The following SVIL variants were observed in gnomAD, a reference collection of about 807,000 sequenced individuals.
The protein encoded by SVIL is supervillin.
A neutral mutation model predicts 240.4 loss-of-function variants in SVIL; 101 were observed. The ratio of observed to expected loss-of-function variants is 0.42; its 90% CI spans 0.36 to 0.50. The LOEUF (loss-of-function observed/expected upper bound fraction) is 0.50, where lower values mean the gene tolerates loss of function less well. SVIL is among the 20% of genes least tolerant of loss of function. The pLI is 0.01. For missense variants in SVIL, 2,512 were observed against 2,818.7 expected, an observed-to-expected ratio of 0.89 and a Z score of 2.46; for synonymous variants, 999 against 1,100.0, an observed-to-expected ratio of 0.91 and a Z score of 1.82.
In SVIL at chr10:29,529,837, T is replaced by C. The variant is rs1951227814; in HGVS notation, c.2114A>G (p.Glu705Gly). 6.2e-7 allele frequency: 1 copy of C among 1,609,838 alleles called. No homozygotes were observed. The highest frequency in any genetic ancestry group is 1.7e-5 in the Admixed American group (1 of 58,970). The change falls in exon 12 of 38, where the codon GAA (glutamate) becomes GGA (glycine). Residue 705 changes from glutamate (E) to glycine (G), a missense_variant. Glu to Gly is a moderately conservative substitution (Grantham distance 98). Transcript: ENST00000355867. ...AAKRLLFREM[E>G]KSFDEQNVPK... The stretch of plus-strand genomic sequence containing the variant: ...AACATTTTGTTCATCAAAAGATTTT[T>C]CCATCTCCTAAGATTAGAAGTATTG...
intron 1 of SVIL, among the ~76,000 whole-genome samples, chr10:29,725,735 C>T (rs536910794): frequency 2.3e-4 from 35 of 152,224 alleles, no homozygotes; most frequent in East Asian, 1.5e-3. Context: ...GTTTCCGCAA[C>T]GCTCAGCAGA....
intron 1 of SVIL, among the ~76,000 whole-genome samples, chr10:29,723,317 T>A (rs555316135): frequency 2.0e-5 from 3 of 152,296 alleles, no homozygotes; most frequent in South Asian, 2.1e-4. Context: ...GAGGCAGAGG[T>A]TGCAGTGAGC....
intron 3 of SVIL, among the ~76,000 whole-genome samples, chr10:29,562,386 T>C (rs556867564): frequency 1.3e-5 from 2 of 152,358 alleles, no homozygotes; most frequent in East Asian, 1.9e-4. Flanking sequence ...TGTGAGTGCC[T>C]CCTTGGGGAA....
chr10:29,572,763 C>CAAAAAAAAAAAAAAAAAAAAA (rs375180538), intron 1 of SVIL, among the ~76,000 whole-genome samples: 1 of 81,328 alleles, frequency 1.2e-5, no homozygotes, highest in Non-Finnish European at 2.3e-5. Flanking sequence ...GATCCTATCT[C>CAAAAAAAAAAAAAAAAAAAAA]AAAAAAAAAA....
chr10:29,530,794 G>T, intron 10 of SVIL, 126 bp from the exon 11 acceptor site: 1 of 1,024,796 alleles, frequency 9.8e-7, no homozygotes, highest in Non-Finnish European at 1.5e-6. Context: ...AATAATAATT[G>T]GTGGTAGTTT....
intron 2 of SVIL, among the ~76,000 whole-genome samples, chr10:29,679,276 T>C (rs191193713): frequency 2.0e-5 from 3 of 152,320 alleles, no homozygotes; most frequent in Admixed American, 2.0e-4. Context: ...GGGGACTAAC[T>C]TGCTCCACTA....
chr10:29,646,716 T>C (rs946454844), intron 3 of SVIL, among the ~76,000 whole-genome samples: 2 of 152,128 alleles, frequency 1.3e-5, no homozygotes, highest in Non-Finnish European at 2.9e-5. Context: ...AAGAGCAAAG[T>C]GATTAATGCC....
chr10:29,687,293 ACT>A (rs1589514826), intron 1 of SVIL, among the ~76,000 whole-genome samples: 1 of 152,038 alleles, frequency 6.6e-6, no homozygotes, highest in Non-Finnish European at 1.5e-5. Flanking sequence ...CTACCCAAAA[ACT>A]CTGCATAATT....
intron 1 of SVIL, among the ~76,000 whole-genome samples, chr10:29,595,253 G>C (rs1956539276): frequency 2.0e-5 from 3 of 152,248 alleles, no homozygotes; most frequent in Admixed American, 2.0e-4. Context: ...CTGTGGGTAT[G>C]GAAGGGAGCC....
intron 17 of SVIL, among the ~76,000 whole-genome samples, chr10:29,505,525 T>C (rs1426430553): frequency 1.3e-5 from 2 of 151,044 alleles, no homozygotes; most frequent in African/African-American, 4.9e-5. Context: ...GACTGGGCGG[T>C]GAGAGTGATG....
intron 1 of SVIL, among the ~76,000 whole-genome samples, chr10:29,583,913 C>G (rs1294061190): frequency 1.3e-5 from 2 of 152,214 alleles, no homozygotes; most frequent in East Asian, 3.9e-4. Context: ...GGGTGGCCCT[C>G]AGACCACTTG....
intron 1 of SVIL, among the ~76,000 whole-genome samples, chr10:29,721,537 C>T (rs546425441): frequency 9.4e-4 from 84 of 89,280 alleles, no homozygotes; most frequent in African/African-American, 2.9e-3. Flanking sequence ...TAACACCAAT[C>T]CAAAAAAAAA....
Position 29,550,711 on chromosome 10 carries a change from G to T in SVIL, c.713C>A (p.Ser238Tyr), listed in dbSNP as rs146163490. ...GGGGGACCGTGGCACTTCAGTGAAG[G>T]AGGAGTCTCGCCCAGAGAAAGAGAA... ...STFSFSGRDS[S>Y]FTEVPRSPKH... Residue 238 changes from serine (S) to tyrosine (Y), a missense_variant, in exon 6 of 38, where the codon TCC becomes TAC. By Grantham distance (144) the Ser-to-Tyr change is moderately radical. This residue lies in a region of SVIL where 1,443 missense variants were observed against 1,486.6 expected (regional missense o/e 0.97). Transcript: ENST00000355867. 2 of 1,614,140 alleles carry T rather than the reference G, an allele frequency of 1.2e-6. No individual in the cohort carries two copies. Among genetic ancestry groups the T allele is most frequent in the South Asian group, 1.1e-5 (1 of 91,078 alleles).
chr10:29,611,924 C>T (rs1957259554), intron 1 of SVIL, among the ~76,000 whole-genome samples: 1 of 152,148 alleles, frequency 6.6e-6, no homozygotes, highest in South Asian at 2.1e-4. Context: ...TCTCTCATTC[C>T]ATGGACTTTA....
chr10:29,462,310 C>G lies in SVIL; in HGVS notation c.6369G>C (p.Glu2123Asp), dbSNP rs1166443824. 6.2e-7 allele frequency: 1 copy of G among 1,614,206 alleles called. No individual in the cohort carries two copies. The highest frequency in any genetic ancestry group is 1.1e-5 in the South Asian group (1 of 91,090). The change falls in exon 36 of 38, where the codon GAG (glutamate) becomes GAC (aspartate). Residue 2123 changes from glutamate to aspartate, a missense_variant. Around this residue, in one of 3 missense-constraint regions of SVIL, gnomAD observed 797 missense variants for 925.3 expected, o/e 0.86. Coordinates refer to ENST00000355867, the MANE Select transcript of SVIL (RefSeq NM_021738.3). ...TGATCTCAGCGATGTCCTCTCTGTGCTCCCAGCTGGGAAACATATTGGTGA... is the reference window on the plus strand; with the variant it reads ...TGATCTCAGCGATGTCCTCTCTGTGGTCCCAGCTGGGAAACATATTGGTGA... Reference protein sequence around the residue: ...LTFTNMFPSWEHREDIAEITE... With the variant: ...LTFTNMFPSWDHREDIAEITE...
At chr10:29,494,653 C>T (rs1017491337) in intron 20 of SVIL, among the ~76,000 whole-genome samples, 10 of 152,058 alleles carry the variant, frequency 6.6e-5, no homozygotes, top group Admixed American at 2.6e-4. Context: ...TTGATTTTGC[C>T]GACACATAAT....
intron 13 of SVIL, 33 bp downstream of exon 13, chr10:29,526,928 C>A: frequency 6.7e-7 from 1 of 1,487,648 alleles, no homozygotes; most frequent in Non-Finnish European, 9.0e-7. Context: ...ACCTTTGCAC[C>A]GGGTGCCGCA....
chr10:29,671,801 C>A (rs1040069048), intron 2 of SVIL, among the ~76,000 whole-genome samples: 1 of 152,218 alleles, frequency 6.6e-6, no homozygotes, highest in Non-Finnish European at 1.5e-5. Context: ...CCTCTGCCAA[C>A]ACTGAACTAG....
intron 1 of SVIL, among the ~76,000 whole-genome samples, chr10:29,708,255 C>T (rs1963038819): frequency 1.7e-5 from 1 of 60,506 alleles, no homozygotes; most frequent in Non-Finnish European, 2.6e-5. Context: ...GAGACTCCAT[C>T]TCAAAAAAAA....
Sources: allele counts gnomAD v4.1 joint callset (sites outside exome capture counted in the v4.1 genomes callset), GRCh38; gene constraint gnomAD v4.1.1; regional missense constraint gnomAD v4.1.1; transcripts MANE v1.5; gene names NCBI Gene and HGNC (gene_info 2026-07-23, HGNC 2026-07-21).